TMEM243: variants seen among roughly 807,000 people sequenced by gnomAD.
The protein encoded by TMEM243 is transmembrane protein 243.
TMEM243 carries 20 observed loss-of-function variants against 15.0 expected under a neutral mutation model. The observed-to-expected ratio is 1.33, with a 90% confidence interval of 0.94 to 1.93. The LOEUF (loss-of-function observed/expected upper bound fraction) is 1.93. Ranked by LOEUF, TMEM243 falls within the 30% of genes most tolerant of loss-of-function variation. The pLI is 0.00. For synonymous variants in TMEM243, 72 were observed against 52.7 expected, an observed-to-expected ratio of 1.37 and a Z score of -1.59; for missense variants, 156 against 142.1, an observed-to-expected ratio of 1.10 and a Z score of -0.50.
intron 1 of TMEM243, among the ~76,000 whole-genome samples, chr7:87,202,088 A>T (rs972640884): frequency 6.6e-6 from 1 of 152,212 alleles, no homozygotes; most frequent in Non-Finnish European, 1.5e-5. Flanking sequence ...CACCTATATC[A>T]TCTTGTAAGT....
intron 1 of TMEM243, among the ~76,000 whole-genome samples, chr7:87,203,673 T>C (rs1406275779): frequency 1.3e-5 from 2 of 152,006 alleles, no homozygotes; most frequent in East Asian, 3.9e-4. Context: ...TGTATGAAGA[T>C]TTCTGACAGC....
chr7:87,212,883 T>C (rs1477877435), intron 1 of TMEM243, among the ~76,000 whole-genome samples: 1 of 151,772 alleles, frequency 6.6e-6, no homozygotes, highest in Non-Finnish European at 1.5e-5. Context: ...GAGCTTATTC[T>C]ATAGTTAGGA....
chr7:87,214,042 C>T (rs188150080), intron 1 of TMEM243, among the ~76,000 whole-genome samples: 153 of 152,330 alleles, frequency 1.0e-3, no homozygotes, highest in Non-Finnish European at 8.4e-4. Context: ...TCAGTGACCA[C>T]CCACAGAGTG....
At chr7:87,201,110 T>C (rs1235377636) in intron 1 of TMEM243, among the ~76,000 whole-genome samples, 4 of 152,236 alleles carry the variant, frequency 2.6e-5, no homozygotes, top group African/African-American at 7.2e-5. Context: ...ATTGTTATAA[T>C]GTAGTGGTCC....
intron 1 of TMEM243, among the ~76,000 whole-genome samples, chr7:87,203,720 A>C (rs1479503470): frequency 2.0e-5 from 3 of 152,220 alleles, no homozygotes; most frequent in Non-Finnish European, 4.4e-5. Context: ...AGTTCTAACT[A>C]ATAATAAAAG....
intron 1 of TMEM243, among the ~76,000 whole-genome samples, chr7:87,215,831 G>GT (rs1167934199): frequency 2.0e-5 from 3 of 152,122 alleles, no homozygotes; most frequent in Non-Finnish European, 4.4e-5. Flanking sequence ...AACACCTTTC[G>GT]TTTTTTGTCT....
chr7:87,196,988 T>TCA (rs1801333618), intron 3 of TMEM243, among the ~76,000 whole-genome samples: 1 of 152,032 alleles, frequency 6.6e-6, no homozygotes, highest in South Asian at 2.1e-4. Flanking sequence ...TCCTCTATAT[T>TCA]CACACCTGTA....
At chr7:87,217,827 G>A (rs1041966085) in intron 1 of TMEM243, among the ~76,000 whole-genome samples, 3 of 152,224 alleles carry the variant, frequency 2.0e-5, no homozygotes, top group Admixed American at 6.5e-5. Flanking sequence ...AATGGATCAT[G>A]GGCAATAGGA....
intron 1 of TMEM243, among the ~76,000 whole-genome samples, chr7:87,218,911 T>G (rs977904588): frequency 2.0e-5 from 3 of 152,172 alleles, no homozygotes; most frequent in Non-Finnish European, 2.9e-5. Context: ...CAGGGACCCC[T>G]TGATCACTTC....
chr7:87,207,315 G>GATGGACAATGCCATGAAGACATT (rs1394608013), intron 1 of TMEM243, among the ~76,000 whole-genome samples: 2 of 43,180 alleles, frequency 4.6e-5, no homozygotes, highest in African/African-American at 7.8e-5. Flanking sequence ...GCAAAAGCCG[G>GATGGACAATGCCATGAAGACATT]CCGGGCGCGG....
At position 87,219,617 on chromosome 7, in the gene TMEM243, C is replaced by G; in HGVS notation, c.-114G>C. 1.0e-6 allele frequency: 1 copy of G among 968,974 alleles called. No individual in the cohort carries two copies. Among genetic ancestry groups the G allele is most frequent in the Non-Finnish European group, 1.6e-6 (1 of 631,386 alleles). The allele number at this position is 968,974 out of a possible 1,614,324, so 60.0% of individuals were successfully genotyped here. ...CTCACGGCTCCCGCATAGCCGAACC[C>G]GAGTGGTCGGGGAAGCGCTGGCGCC... On this transcript the variant is annotated 5_prime_UTR_variant, in exon 1 of 4. Coordinates refer to ENST00000257637, the MANE Select transcript of TMEM243 (RefSeq NM_024315.4).
chr7:87,196,835 A>G (rs940351491), intron 3 of TMEM243, 77 bp from the exon 4 acceptor site: 1 of 1,031,228 alleles, frequency 9.7e-7, no homozygotes, highest in Non-Finnish European at 1.4e-6. Flanking sequence ...TTTCATTAGT[A>G]TTTGTTTATT....
intron 1 of TMEM243, among the ~76,000 whole-genome samples, chr7:87,208,289 G>T (rs2129230081): frequency 6.6e-6 from 1 of 152,282 alleles, no homozygotes; most frequent in East Asian, 1.9e-4. Context: ...AGATACAATG[G>T]GAGTATAGGC....
chr7:87,205,715 T>TG (rs1434236110), intron 1 of TMEM243, among the ~76,000 whole-genome samples: 1 of 151,932 alleles, frequency 6.6e-6, no homozygotes, highest in Non-Finnish European at 1.5e-5. Flanking sequence ...TATCAGCATT[T>TG]GGTCAAAACC....
chr7:87,204,153 A>G (rs181477933), intron 1 of TMEM243, among the ~76,000 whole-genome samples: 1 of 152,180 alleles, frequency 6.6e-6, no homozygotes, highest in East Asian at 1.9e-4. Flanking sequence ...AAATCATCAG[A>G]TCTTGTGAGA....
At chr7:87,212,428 A>G (rs2129236484) in intron 1 of TMEM243, among the ~76,000 whole-genome samples, 1 of 152,352 alleles carries the variant, frequency 6.6e-6, no homozygotes, top group South Asian at 2.1e-4. Flanking sequence ...CTATGAGCCA[A>G]CTATAAGAAA....
At position 87,204,293 on chromosome 7, in the gene TMEM243, C is replaced by T. The variant is rs113635025; in HGVS notation, c.79-5236G>A. Among the ~76,000 whole-genome samples the T allele has an allele frequency of 5.1e-4, 77 of 152,262 alleles. 1 individual carries two copies. Among genetic ancestry groups the T allele is most frequent in the African/African-American group, 1.7e-3 (71 of 41,542 alleles). ...TCAGGAGGAGATTTGGGTGGAGACA[C>T]GGCCAAACCACACAATTTCATCCCT... On this transcript the variant is annotated intron_variant, in intron 1 of 3. Coordinates refer to ENST00000257637, the MANE Select transcript of TMEM243 (RefSeq NM_024315.4).
At chr7:87,214,724 T>C (rs892051480) in intron 1 of TMEM243, among the ~76,000 whole-genome samples, 2 of 152,236 alleles carry the variant, frequency 1.3e-5, no homozygotes, top group Non-Finnish European at 2.9e-5. Context: ...CTAAGCTGTC[T>C]GAAATGGTTG....
At chr7:87,203,746 G>C (rs1338461195) in intron 1 of TMEM243, among the ~76,000 whole-genome samples, 1 of 152,042 alleles carries the variant, frequency 6.6e-6, no homozygotes, top group Non-Finnish European at 1.5e-5. Flanking sequence ...ATACTGGATA[G>C]AGTCAAAATT....
Sources: gnomAD v4.1 joint callset for allele counts (sites outside exome capture counted in the v4.1 genomes callset) on GRCh38, gnomAD v4.1.1 for gene constraint, MANE v1.5 for transcripts, NCBI Gene and HGNC (gene_info 2026-07-23, HGNC 2026-07-21) for gene names.